Variants in LRRTM4 observed in about 807,000 individuals in gnomAD.
LRRTM4 encodes leucine rich repeat transmembrane neuronal 4, also known as leucine-rich repeat transmembrane neuronal protein 4.
In LRRTM4, 25 loss-of-function variants were observed where a neutral mutation model predicts 47.6. That is an observed-to-expected ratio of 0.53 (90% CI 0.38 to 0.73). The LOEUF (loss-of-function observed/expected upper bound fraction) is 0.73, where lower values mean the gene tolerates loss of function less well. LRRTM4 is among the 30% of genes least tolerant of loss of function. The probability of loss-of-function intolerance (pLI) is 0.00; values close to 1 mark genes in which losing one functional copy is unlikely to be tolerated. For synonymous variants in LRRTM4, 311 were observed against 269.5 expected (o/e 1.15, Z -1.51); for missense variants, 638 against 713.4 (o/e 0.89, Z 1.20).
chr2:76,779,409 G>T (rs2104149140), intron 3 of LRRTM4, among the ~76,000 whole-genome samples: 1 of 150,472 alleles, frequency 6.6e-6, no homozygotes, highest in Admixed American at 6.7e-5. Context: ...TCTCTTTGTA[G>T]GTCGCTCAGG....
At chr2:77,189,425 G>A (rs1673601440) in intron 3 of LRRTM4, among the ~76,000 whole-genome samples, 5 of 152,144 alleles carry the variant, frequency 3.3e-5, no homozygotes, top group Admixed American at 3.3e-4. Flanking sequence ...CCTATACTGA[G>A]ATCCTAACCC....
At chr2:77,237,957 C>T (rs1675150549) in intron 3 of LRRTM4, among the ~76,000 whole-genome samples, 1 of 152,048 alleles carries the variant, frequency 6.6e-6, no homozygotes, top group African/African-American at 2.4e-5. Flanking sequence ...AACATACACA[C>T]AGGTTGATAA....
rs575221976 is a variant in LRRTM4 at position 76,942,157 on chromosome 2, G to GT, written c.1552-193242dup. On this transcript the variant is annotated intron_variant, in intron 3 of 3. Coordinates refer to ENST00000409884, the MANE Select transcript of LRRTM4 (RefSeq NM_001134745.3). ...TATCCTTTGCCCACTTTTTGGTGGT[G>GT]TTTTTTTTTCTTGTAAATTTGTTTA... Among the ~76,000 whole-genome samples the GT allele has an allele frequency of 3.5e-3, 523 of 150,904 alleles. 4 individuals are homozygous for GT. Among genetic ancestry groups the GT allele is most frequent in the African/African-American group, 0.01 (428 of 41,142 alleles).
intron 3 of LRRTM4, among the ~76,000 whole-genome samples, chr2:77,186,520 G>A (rs1168172017): frequency 6.6e-6 from 1 of 152,004 alleles, no homozygotes; most frequent in Non-Finnish European, 1.5e-5. Flanking sequence ...AACAGAATTA[G>A]TGAACTTGCC....
At chr2:77,378,843 C>T (rs528052871) in intron 3 of LRRTM4, among the ~76,000 whole-genome samples, 2 of 152,068 alleles carry the variant, frequency 1.3e-5, no homozygotes, top group African/African-American at 2.4e-5. Flanking sequence ...ATGAGGCCAC[C>T]GGAGGTTTAC....
chr2:77,221,766 A>AACAC (rs1418365789), intron 3 of LRRTM4, among the ~76,000 whole-genome samples: 1 of 152,134 alleles, frequency 6.6e-6, no homozygotes, highest in Non-Finnish European at 1.5e-5. Context: ...GGGAGACTTT[A>AACAC]ACACCCCACT....
intron 3 of LRRTM4, among the ~76,000 whole-genome samples, chr2:77,416,313 C>T (rs1265139421): frequency 6.6e-6 from 1 of 151,962 alleles, no homozygotes; most frequent in Non-Finnish European, 1.5e-5. Context: ...TACAAATGAA[C>T]AAGCCTGATG....
intron 3 of LRRTM4, among the ~76,000 whole-genome samples, chr2:77,095,659 C>T (rs555213422): frequency 1.3e-5 from 2 of 152,042 alleles, no homozygotes; most frequent in East Asian, 3.9e-4. Flanking sequence ...GCTCAGTTAG[C>T]CACCACGCCC....
chr2:76,983,283 C>T (rs753134845), intron 3 of LRRTM4, among the ~76,000 whole-genome samples: 2 of 151,954 alleles, frequency 1.3e-5, no homozygotes, highest in South Asian at 2.1e-4. Flanking sequence ...CCCTAAGTCA[C>T]ACATTATTAA....
At chr2:76,918,785 C>T (rs1172646019) in intron 3 of LRRTM4, among the ~76,000 whole-genome samples, 1 of 152,092 alleles carries the variant, frequency 6.6e-6, no homozygotes, top group African/African-American at 2.4e-5. Context: ...GCCAATGGAA[C>T]TTAAGAAGTC....
chr2:76,795,001 A>C (rs956334357), intron 3 of LRRTM4, among the ~76,000 whole-genome samples: 13 of 151,828 alleles, frequency 8.6e-5, no homozygotes, highest in Non-Finnish European at 1.8e-4. Flanking sequence ...AAAGCTATAA[A>C]GAAAAATATT....
chr2:76,984,442 T>C (rs1573403733), intron 3 of LRRTM4, among the ~76,000 whole-genome samples: 1 of 152,024 alleles, frequency 6.6e-6, no homozygotes, highest in East Asian at 1.9e-4. Flanking sequence ...TTAGTTGTTC[T>C]ACATCCAAAA....
chr2:76,824,704 C>T (rs776714427), intron 3 of LRRTM4, among the ~76,000 whole-genome samples: 7 of 150,666 alleles, frequency 4.6e-5, no homozygotes, highest in Non-Finnish European at 7.4e-5. Context: ...TTTGAAACAC[C>T]GCAAAGGAGT....
intron 3 of LRRTM4, among the ~76,000 whole-genome samples, chr2:76,892,742 T>C (rs943396808): frequency 6.6e-6 from 1 of 151,702 alleles, no homozygotes; most frequent in Non-Finnish European, 1.5e-5. Flanking sequence ...AGAAAGTCAC[T>C]GCAATTTTAA....
chr2:77,064,291 T>A (rs1473735922), intron 3 of LRRTM4, among the ~76,000 whole-genome samples: 1 of 152,262 alleles, frequency 6.6e-6, no homozygotes, highest in East Asian at 1.9e-4. Flanking sequence ...AACAGTATGA[T>A]TATATATCAT....
At chr2:77,448,501 T>A (rs998799770) in intron 3 of LRRTM4, among the ~76,000 whole-genome samples, 2 of 152,224 alleles carry the variant, frequency 1.3e-5, no homozygotes, top group African/African-American at 4.8e-5. Flanking sequence ...TCTTTTCAAG[T>A]ATCTTCATTC....
intron 3 of LRRTM4, among the ~76,000 whole-genome samples, chr2:77,460,898 A>C (rs1310459376): frequency 2.0e-5 from 3 of 152,102 alleles, no homozygotes; most frequent in African/African-American, 7.2e-5. Context: ...GGGAATTGCA[A>C]GCCATGTCCC....
At chr2:76,872,674 A>G (rs966197853) in intron 3 of LRRTM4, among the ~76,000 whole-genome samples, 18 of 151,790 alleles carry the variant, frequency 1.2e-4, no homozygotes, top group African/African-American at 4.1e-4. Context: ...ATCTCTCTCT[A>G]TGCTATAGTT....
At chr2:77,326,065 T>C (rs1670763367) in intron 3 of LRRTM4, among the ~76,000 whole-genome samples, 1 of 152,156 alleles carries the variant, frequency 6.6e-6, no homozygotes, top group South Asian at 2.1e-4. Flanking sequence ...GCTCCCTTTA[T>C]CTGGAGGAAA....
Sources: allele counts gnomAD v4.1 joint callset (sites outside exome capture counted in the v4.1 genomes callset), GRCh38; gene constraint gnomAD v4.1.1; transcripts MANE v1.5; gene names NCBI Gene and HGNC (gene_info 2026-07-23, HGNC 2026-07-21).